The following TBC1D22A variants were observed in gnomAD, a reference collection of about 807,000 sequenced individuals.
The protein encoded by TBC1D22A is TBC1 domain family member 22A.
In TBC1D22A, 38 loss-of-function variants were observed where a neutral mutation model predicts 60.2. That is an observed-to-expected ratio of 0.63 (90% CI 0.49 to 0.83). The LOEUF is 0.83. Among genes scored for constraint, TBC1D22A ranks in the 40% least tolerant of loss-of-function variants. The pLI is 0.00. For synonymous variants in TBC1D22A, 302 were observed against 281.7 expected (o/e 1.07, Z -0.72); for missense variants, 628 against 701.0 (o/e 0.90, Z 1.18).
intron 11 of TBC1D22A, among the ~76,000 whole-genome samples, chr22:47,042,303 T>A (rs2062871729): frequency 6.6e-6 from 1 of 152,112 alleles, no homozygotes; most frequent in Admixed American, 6.5e-5. Flanking sequence ...CCACTGCCAG[T>A]CCACATCTCT....
At position 46,889,545 on chromosome 22, in the gene TBC1D22A, C is replaced by T. The variant is rs994349763; in HGVS notation, c.709-1721C>T. Among the ~76,000 whole-genome samples the T allele has an allele frequency of 8.5e-5, 13 of 152,288 alleles. No homozygotes were observed. In the South Asian group the frequency reaches 2.3e-3, roughly 27 times the overall value. ...ACCATGAAAACCCAAAGCGTATGCCCACGAAAATCCTGTGCAGGAATATAA... is the reference window on the plus strand; with the variant it reads ...ACCATGAAAACCCAAAGCGTATGCCTACGAAAATCCTGTGCAGGAATATAA... On this transcript the variant is annotated intron_variant, in intron 5 of 12. Transcript: ENST00000337137.
chr22:47,003,968 TAC>T (rs563820647), intron 10 of TBC1D22A, among the ~76,000 whole-genome samples: 3 of 103,606 alleles, frequency 2.9e-5, no homozygotes, highest in Non-Finnish European at 5.7e-5. Context: ...CATGCCTGTA[TAC>T]ACACCCTACG....
intron 1 of TBC1D22A, among the ~76,000 whole-genome samples, chr22:46,783,342 C>G (rs372713712): frequency 6.6e-6 from 1 of 152,200 alleles, no homozygotes; most frequent in East Asian, 1.9e-4. Context: ...GCAGTGTGCC[C>G]GTGTCCAGGC....
In TBC1D22A at chr22:47,059,050, C is replaced by A. The variant is rs182728944; in HGVS notation, c.1329+21852C>A. Among the ~76,000 whole-genome samples the A allele has an allele frequency of 3.3e-4, 50 of 152,340 alleles. No individual in the cohort carries two copies. In the East Asian group the frequency reaches 8.9e-3, roughly 27 times the overall value. On this transcript the variant is annotated intron_variant, in intron 11 of 12. Coordinates refer to ENST00000337137, the MANE Select transcript of TBC1D22A (RefSeq NM_014346.5). The stretch of plus-strand genomic sequence containing the variant: ...CCTGTCATCCTGGGCACTCCACACA[C>A]CCCTGTCATCCTGAGAGCTGCTGCG...
intron 8 of TBC1D22A, among the ~76,000 whole-genome samples, chr22:46,956,304 G>T (rs1407212070): frequency 6.6e-6 from 1 of 152,164 alleles, no homozygotes; most frequent in Non-Finnish European, 1.5e-5. Context: ...AGAGATGTGG[G>T]GCCAGGCACA....
chr22:47,011,902 C>T (rs1476299903), intron 10 of TBC1D22A, among the ~76,000 whole-genome samples: 1 of 151,992 alleles, frequency 6.6e-6, no homozygotes, highest in Non-Finnish European at 1.5e-5. Flanking sequence ...TACAATGTTA[C>T]GTATCTAGTA....
intron 8 of TBC1D22A, among the ~76,000 whole-genome samples, chr22:46,944,809 G>A (rs939663065): frequency 1.7e-4 from 26 of 152,048 alleles, no homozygotes; most frequent in Non-Finnish European, 2.9e-5. Context: ...TTATTTTATC[G>A]TGATTACTCT....
chr22:47,115,407 T>TGCCCC (rs2147737846), intron 12 of TBC1D22A, among the ~76,000 whole-genome samples: 1 of 89,170 alleles, frequency 1.1e-5, no homozygotes, highest in African/African-American at 4.4e-5. Context: ...CGCTGAGCCC[T>TGCCCC]GCCCCGCCCC....
chr22:46,976,220 T>C (rs185782670), intron 9 of TBC1D22A, among the ~76,000 whole-genome samples: 1 of 152,312 alleles, frequency 6.6e-6, no homozygotes, highest in African/African-American at 2.4e-5. Flanking sequence ...GCTTTTTCAT[T>C]TTTCACCTGA....
intron 8 of TBC1D22A, among the ~76,000 whole-genome samples, chr22:46,963,068 A>C (rs893468053): frequency 6.6e-6 from 1 of 151,656 alleles, no homozygotes; most frequent in African/African-American, 2.4e-5. Flanking sequence ...CAAAAAAAAA[A>C]AAATTAGCTG....
intron 7 of TBC1D22A, among the ~76,000 whole-genome samples, chr22:46,898,828 G>A (rs1442294383): frequency 6.6e-6 from 1 of 152,222 alleles, no homozygotes; most frequent in Non-Finnish European, 1.5e-5. Flanking sequence ...GGAACCAAAA[G>A]GGGAAGGCAA....
chr22:46,878,315 G>A (rs2147489488), intron 4 of TBC1D22A, among the ~76,000 whole-genome samples: 3 of 152,294 alleles, frequency 2.0e-5, no homozygotes, highest in South Asian at 2.1e-4. Flanking sequence ...AGAGAAGGAG[G>A]TGGGAGGGAG....
intron 9 of TBC1D22A, among the ~76,000 whole-genome samples, chr22:46,995,709 C>T (rs1380176028): frequency 1.3e-5 from 2 of 152,052 alleles, no homozygotes; most frequent in South Asian, 2.1e-4. Flanking sequence ...TGGGGCCTCC[C>T]GAGGGCTGAC....
chr22:46,901,173 T>C (rs1014408189), intron 7 of TBC1D22A, among the ~76,000 whole-genome samples: 8 of 152,214 alleles, frequency 5.3e-5, no homozygotes, highest in African/African-American at 1.9e-4. Context: ...ATTTCAGAAG[T>C]TTGTTGGCAT....
chr22:47,098,579 T>C (rs1188869658), intron 11 of TBC1D22A, among the ~76,000 whole-genome samples: 11 of 149,066 alleles, frequency 7.4e-5, no homozygotes, highest in Admixed American at 2.7e-4. Flanking sequence ...ATGTACCAGG[T>C]TGCCCTGGGG....
intron 3 of TBC1D22A, among the ~76,000 whole-genome samples, chr22:46,795,544 G>C (rs1160871348): frequency 6.6e-6 from 1 of 152,210 alleles, no homozygotes; most frequent in African/African-American, 2.4e-5. Flanking sequence ...TGGGAGAAGG[G>C]GGCCCATGAC....
intron 4 of TBC1D22A, among the ~76,000 whole-genome samples, chr22:46,873,484 T>C (rs1275927897): frequency 6.6e-6 from 1 of 152,218 alleles, no homozygotes; most frequent in Non-Finnish European, 1.5e-5. Flanking sequence ...AAGACCCTTA[T>C]GGCAGATTTA....
intron 12 of TBC1D22A, among the ~76,000 whole-genome samples, chr22:47,156,827 C>T (rs1027215300): frequency 6.6e-6 from 1 of 152,196 alleles, no homozygotes; most frequent in Non-Finnish European, 1.5e-5. Context: ...GCCACTGCTG[C>T]CCGCGCCGAC....
intron 4 of TBC1D22A, among the ~76,000 whole-genome samples, chr22:46,835,664 G>T (rs774293649): frequency 4.6e-5 from 7 of 152,176 alleles, no homozygotes; most frequent in Admixed American, 1.3e-4. Flanking sequence ...GGGGCAGAAA[G>T]CTTCTTTAAA....
Sources: gnomAD v4.1 joint callset for allele counts (sites outside exome capture counted in the v4.1 genomes callset) on GRCh38, gnomAD v4.1.1 for gene constraint, MANE v1.5 for transcripts, NCBI Gene and HGNC (gene_info 2026-07-23, HGNC 2026-07-21) for gene names.